DOCK5: variants seen among roughly 807,000 people sequenced by gnomAD.
DOCK5 encodes dedicator of cytokinesis protein 5.
In DOCK5, 142 loss-of-function variants were observed where a neutral mutation model predicts 251.8. The ratio of observed to expected loss-of-function variants is 0.56; its 90% CI spans 0.49 to 0.65. The LOEUF (loss-of-function observed/expected upper bound fraction) is 0.65. Ranked by LOEUF, DOCK5 falls within the 30% of genes least tolerant of loss-of-function variation. The pLI, the probability that DOCK5 is intolerant of heterozygous loss-of-function variation, is 0.00. For synonymous variants in DOCK5, 842 were observed against 835.5 expected, an observed-to-expected ratio of 1.01 and a Z score of -0.13; for missense variants, 2,111 against 2,312.3, an observed-to-expected ratio of 0.91 and a Z score of 1.79.
chr8:25,343,382 G>C (rs1800290216), intron 25 of DOCK5, among the ~76,000 whole-genome samples: 2 of 152,116 alleles, frequency 1.3e-5, no homozygotes, highest in South Asian at 4.1e-4. Context: ...TAATATTGTT[G>C]CCAGTTGTAT....
At chr8:25,296,365 A>G in intron 6 of DOCK5, 148 bp from the exon 7 acceptor site, 1 of 1,008,990 alleles carries the variant, frequency 9.9e-7, no homozygotes, top group East Asian at 2.6e-5. Context: ...AGAAACTGAA[A>G]TGAGAAAAGT....
chr8:25,398,841 C>T (rs1801389550), intron 45 of DOCK5, among the ~76,000 whole-genome samples: 1 of 151,904 alleles, frequency 6.6e-6, no homozygotes, highest in South Asian at 2.1e-4. Context: ...GGGTCACATT[C>T]TAAGGTACCA....
At chr8:25,252,858 G>T (rs1484158935) in intron 2 of DOCK5, among the ~76,000 whole-genome samples, 2 of 152,114 alleles carry the variant, frequency 1.3e-5, no homozygotes, top group African/African-American at 4.8e-5. Context: ...TTGAGACAGA[G>T]TGTTACCCTG....
At chr8:25,328,778 T>C (rs752495044) in intron 18 of DOCK5, among the ~76,000 whole-genome samples, 5 of 152,146 alleles carry the variant, frequency 3.3e-5, no homozygotes, top group African/African-American at 4.8e-5. Flanking sequence ...TAAGAATAGA[T>C]TTGTTTCCCA....
chr8:25,275,801 A>G (rs746549849), intron 4 of DOCK5, among the ~76,000 whole-genome samples: 16 of 151,970 alleles, frequency 1.1e-4, no homozygotes, highest in Non-Finnish European at 2.1e-4. Context: ...ATACCACTAC[A>G]CTCTAACCTG....
intron 13 of DOCK5, among the ~76,000 whole-genome samples, chr8:25,311,974 C>T (rs528158762): frequency 1.3e-5 from 2 of 152,146 alleles, no homozygotes; most frequent in East Asian, 3.9e-4. Context: ...TCTTATTTCT[C>T]CTTTGAGAAA....
At chr8:25,232,044 A>C (rs758452141) in intron 1 of DOCK5, among the ~76,000 whole-genome samples, 36 of 152,330 alleles carry the variant, frequency 2.4e-4, no homozygotes, top group Non-Finnish European at 4.3e-4. Flanking sequence ...TCTGATACTA[A>C]TTGGTAATTC....
chr8:25,376,089 A>G, intron 37 of DOCK5: 1 of 946,854 alleles, frequency 1.1e-6, no homozygotes, highest in East Asian at 1.4e-4. Flanking sequence ...ATAGAGCAAG[A>G]CTGTGTCTCA....
intron 1 of DOCK5, among the ~76,000 whole-genome samples, chr8:25,238,532 C>G (rs1417622351): frequency 1.3e-5 from 2 of 152,240 alleles, no homozygotes; most frequent in Admixed American, 6.5e-5. Flanking sequence ...CAAACATCCT[C>G]TAAGCGGTGA....
chr8:25,307,895 T>C (rs1804989952), intron 11 of DOCK5, among the ~76,000 whole-genome samples: 1 of 152,212 alleles, frequency 6.6e-6, no homozygotes, highest in South Asian at 2.1e-4. Flanking sequence ...CTTTACAGTG[T>C]TTTCCAGTAG....
chr8:25,205,369 C>T (rs934598743), intron 1 of DOCK5, among the ~76,000 whole-genome samples: 7 of 152,172 alleles, frequency 4.6e-5, no homozygotes, highest in Non-Finnish European at 7.3e-5. Context: ...CGGAAACTGA[C>T]CATGATGGTA....
intron 51 of DOCK5, among the ~76,000 whole-genome samples, chr8:25,410,966 TGTGTGTGCGC>T (rs1215782037): frequency 0.42 from 34,307 of 81,006 alleles, 4,167 homozygotes; most frequent in East Asian, 0.52. Flanking sequence ...TGTGTGTGTG[TGTGTGTGCGC>T]GCGCGCGCAC....
At chr8:25,205,676 C>G (rs1801984502) in intron 1 of DOCK5, among the ~76,000 whole-genome samples, 1 of 152,134 alleles carries the variant, frequency 6.6e-6, no homozygotes, top group South Asian at 2.1e-4. Flanking sequence ...GTTGCTGATT[C>G]AGTTGTCAGG....
At position 25,301,998 on chromosome 8, in the gene DOCK5, T is replaced by TA. The variant is rs533719807; in HGVS notation, c.847-326dup. On this transcript the variant is annotated intron_variant, in intron 9 of 51. Coordinates refer to ENST00000276440, the MANE Select transcript of DOCK5 (RefSeq NM_024940.8). The stretch of plus-strand genomic sequence containing the variant: ...TCCTGTGCTGAGATACGTCCAAAGA[T>TA]ATACAATCGCAATGATGAGGGCCCT... 1.3e-4 allele frequency among the ~76,000 whole-genome samples: 20 copies of TA among 152,298 alleles called. No individual in the cohort carries two copies. In the South Asian group the frequency reaches 4.1e-3, roughly 32 times the overall value.
At chr8:25,343,453 C>A (rs1465845795) in intron 25 of DOCK5, among the ~76,000 whole-genome samples, 1 of 152,186 alleles carries the variant, frequency 6.6e-6, no homozygotes, top group South Asian at 2.1e-4. Context: ...GTATTTCCAA[C>A]AGTTCCTAAA....
At chr8:25,331,295 A>G (rs1343854975) in intron 18 of DOCK5, among the ~76,000 whole-genome samples, 1 of 151,974 alleles carries the variant, frequency 6.6e-6, no homozygotes, top group Non-Finnish European at 1.5e-5. Flanking sequence ...CTTAATAGAG[A>G]CAGGGTCTCT....
chr8:25,292,174 T>G lies in DOCK5; in HGVS notation c.470+2T>G. 1 of 1,565,750 alleles carries G rather than the reference T, an allele frequency of 6.4e-7. No homozygotes were observed. Among genetic ancestry groups the G allele is most frequent in the Non-Finnish European group, 8.6e-7 (1 of 1,156,976 alleles). On this transcript the variant is annotated splice_donor_variant, in intron 6 of 51. Coordinates refer to ENST00000276440, the MANE Select transcript of DOCK5 (RefSeq NM_024940.8). LOFTEE classifies it high-confidence loss of function. ...AGCCAAAATTGATCATGGGAACAGGTAGGTAAACCAGGGATGGCTTTTCAC... is the reference window on the plus strand; with the variant it reads ...AGCCAAAATTGATCATGGGAACAGGGAGGTAAACCAGGGATGGCTTTTCAC...
intron 30 of DOCK5, 145 bp downstream of exon 30, chr8:25,364,849 G>A (rs1019055542): frequency 4.9e-6 from 3 of 608,686 alleles, no homozygotes; most frequent in Non-Finnish European, 8.7e-6. Flanking sequence ...AAGCACATAT[G>A]CCTGTCACAC....
chr8:25,235,093 GC>G (rs1349138581), intron 1 of DOCK5, among the ~76,000 whole-genome samples: 3 of 152,130 alleles, frequency 2.0e-5, no homozygotes, highest in Non-Finnish European at 4.4e-5. Flanking sequence ...CATCATTCTG[GC>G]CCTGCACAAA....
Sources: gnomAD v4.1 joint callset for allele counts (sites outside exome capture counted in the v4.1 genomes callset) on GRCh38, gnomAD v4.1.1 for gene constraint, MANE v1.5 for transcripts, NCBI Gene and HGNC (gene_info 2026-07-23, HGNC 2026-07-21) for gene names.